The following ANK3 variants were observed in gnomAD, a reference collection of about 807,000 sequenced individuals.
The protein encoded by ANK3 is ankyrin-3.
A neutral mutation model predicts 370.9 loss-of-function variants in ANK3; 57 were observed. The ratio of observed to expected loss-of-function variants is 0.15; its 90% CI spans 0.12 to 0.19. The LOEUF (loss-of-function observed/expected upper bound fraction) is 0.19, where lower values mean the gene tolerates loss of function less well. Among genes scored for constraint, ANK3 ranks in the 10% least tolerant of loss-of-function variants. The pLI is 1.00. For missense variants in ANK3, 4,439 were observed against 5,302.1 expected (o/e 0.84, Z 5.06); for synonymous variants, 1,929 against 1,946.3 (o/e 0.99, Z 0.23).
chr10:60,726,067 T>C (rs1191192963), intron 1 of ANK3, among the ~76,000 whole-genome samples: 2 of 152,208 alleles, frequency 1.3e-5, no homozygotes, highest in Non-Finnish European at 2.9e-5. Context: ...TTCAACAATG[T>C]AATTACTTCA....
intron 2 of ANK3, among the ~76,000 whole-genome samples, chr10:60,472,739 T>C (rs1272238810): frequency 6.6e-6 from 1 of 152,208 alleles, no homozygotes; most frequent in Non-Finnish European, 1.5e-5. Flanking sequence ...GATAGGATTA[T>C]GTCCTACTCC....
chr10:60,037,314 C>T (rs1049684498), intron 43 of ANK3, among the ~76,000 whole-genome samples: 1 of 152,104 alleles, frequency 6.6e-6, no homozygotes, highest in Non-Finnish European at 1.5e-5. Flanking sequence ...TCAGAGGCTT[C>T]GAATTCCTCT....
intron 2 of ANK3, among the ~76,000 whole-genome samples, chr10:60,428,061 T>G (rs923321124): frequency 3.9e-5 from 6 of 152,128 alleles, no homozygotes; most frequent in African/African-American, 1.4e-4. Flanking sequence ...TGCACTTATC[T>G]TTTCCCAACT....
rs758299609 is a variant in ANK3, at chr10:60,186,789, C to A, written c.2011G>T (p.Ala671Ser). ...TRQGIASVHL[A>S]AQEGHVDMVS... ...ATGTCCACGTGCCCTTCCTGAGCTG[C>A]GAGATGGACGGAAGCAATTCCTTGC... Residue 671 changes from alanine (A) to serine (S), a missense_variant, in exon 17 of 44, where the codon GCA becomes TCA. Physicochemically the swap from Ala to Ser is moderately conservative, Grantham distance 99 (BLOSUM62 1). Coordinates refer to ENST00000280772, the MANE Select transcript of ANK3 (RefSeq NM_020987.5). 6 of 1,614,134 alleles carry A rather than the reference C, an allele frequency of 3.7e-6. No homozygotes were observed. The highest frequency in any genetic ancestry group is 5.1e-6 in the Non-Finnish European group (6 of 1,180,004).
intron 26 of ANK3, 134 bp downstream of exon 26, chr10:60,114,091 A>G (rs1381900204): frequency 2.4e-6 from 1 of 413,588 alleles, no homozygotes; most frequent in Non-Finnish European, 4.3e-6. Flanking sequence ...CATCTCACAT[A>G]TACTAATGAA....
intron 2 of ANK3, among the ~76,000 whole-genome samples, chr10:60,420,953 A>G (rs1269037474): frequency 6.6e-6 from 1 of 152,160 alleles, no homozygotes; most frequent in African/African-American, 2.4e-5. Context: ...AAACAGCCCA[A>G]CTGTTCATCA....
intron 2 of ANK3, among the ~76,000 whole-genome samples, chr10:60,603,200 A>G (rs1372710): frequency 0.71 from 108,649 of 152,010 alleles, 38,897 homozygotes; most frequent in South Asian, 0.88. Flanking sequence ...AAACTAAGAC[A>G]AGGTATCAGG....
At chr10:60,398,363 G>A (rs2063286206) in intron 2 of ANK3, among the ~76,000 whole-genome samples, 1 of 152,152 alleles carries the variant, frequency 6.6e-6, no homozygotes, top group Non-Finnish European at 1.5e-5. Flanking sequence ...ATATCATTCT[G>A]AGGGTCTTTG....
intron 2 of ANK3, among the ~76,000 whole-genome samples, chr10:60,598,217 C>T (rs1185785588): frequency 6.6e-6 from 1 of 152,160 alleles, no homozygotes. Flanking sequence ...GTTACACCTG[C>T]CCTAATAATC....
chr10:60,358,444 C>T (rs1005223446), intron 1 of ANK3, among the ~76,000 whole-genome samples: 2 of 152,108 alleles, frequency 1.3e-5, no homozygotes, highest in Non-Finnish European at 2.9e-5. Context: ...CTTTCCCCTG[C>T]CTCACTGTGT....
chr10:60,208,362 G>T, intron 9 of ANK3, 129 bp from the exon 10 acceptor site: 2 of 802,424 alleles, frequency 2.5e-6, no homozygotes, highest in South Asian at 1.8e-5. Context: ...ATTTGTAAAA[G>T]CTTTTGACAA....
intron 8 of ANK3, among the ~76,000 whole-genome samples, chr10:60,232,078 T>C (rs2097254333): frequency 1.3e-5 from 2 of 152,206 alleles, no homozygotes; most frequent in African/African-American, 4.8e-5. Flanking sequence ...CCCTCCCCTG[T>C]GACCCTCTAT....
intron 1 of ANK3, among the ~76,000 whole-genome samples, chr10:60,665,088 A>G (rs1310988102): frequency 6.6e-6 from 1 of 152,250 alleles, no homozygotes; most frequent in East Asian, 1.9e-4. Flanking sequence ...TCCCAGCCCC[A>G]TTGGGTACTC....
At chr10:60,216,890 G>A (rs2096946735) in intron 8 of ANK3, among the ~76,000 whole-genome samples, 1 of 151,972 alleles carries the variant, frequency 6.6e-6, no homozygotes, top group Non-Finnish European at 1.5e-5. Flanking sequence ...AAATCCATCT[G>A]GGGCCTGGGC....
intron 7 of ANK3, among the ~76,000 whole-genome samples, chr10:60,258,687 C>T (rs748176476): frequency 2.0e-5 from 3 of 152,160 alleles, no homozygotes; most frequent in African/African-American, 4.8e-5. Context: ...CTTCCTCTTC[C>T]CCAGCTCTCT....
chr10:60,143,565 A>G (rs1323900924), intron 23 of ANK3, among the ~76,000 whole-genome samples: 1 of 152,188 alleles, frequency 6.6e-6, no homozygotes, highest in Non-Finnish European at 1.5e-5. Flanking sequence ...TATGTTTTCT[A>G]AAGTTATTTG....
chr10:60,422,917 C>T (rs933750273), intron 2 of ANK3, among the ~76,000 whole-genome samples: 4 of 151,958 alleles, frequency 2.6e-5, no homozygotes, highest in African/African-American at 9.7e-5. Flanking sequence ...GTTACCAAAT[C>T]GGAATACATG....
intron 2 of ANK3, among the ~76,000 whole-genome samples, chr10:60,590,057 G>A (rs1204326249): frequency 1.3e-5 from 2 of 152,156 alleles, no homozygotes; most frequent in African/African-American, 4.8e-5. Flanking sequence ...CTTTAGACAA[G>A]TTTGATTTAT....
intron 1 of ANK3, among the ~76,000 whole-genome samples, chr10:60,667,400 T>C (rs1188645864): frequency 6.6e-6 from 1 of 151,906 alleles, no homozygotes; most frequent in Non-Finnish European, 1.5e-5. Context: ...AAAAATGTGT[T>C]ATAGACATTG....
Sources: allele counts gnomAD v4.1 joint callset (sites outside exome capture counted in the v4.1 genomes callset), GRCh38; gene constraint gnomAD v4.1.1; transcripts MANE v1.5; gene names NCBI Gene and HGNC (gene_info 2026-07-23, HGNC 2026-07-21).